RAD9B: variants seen among roughly 807,000 people sequenced by gnomAD.
RAD9B encodes the protein cell cycle checkpoint control protein RAD9B.
A neutral mutation model predicts 48.3 loss-of-function variants in RAD9B; 41 were observed. That is an observed-to-expected ratio of 0.85 (90% confidence interval 0.66 to 1.10). RAD9B has a LOEUF of 1.10. RAD9B is among the 50% of genes least tolerant of loss of function. The pLI is 0.00. For missense variants in RAD9B, 444 were observed against 485.1 expected (o/e 0.92, Z 0.80); for synonymous variants, 160 against 157.9 (o/e 1.01, Z -0.10).
At chr12:110,526,219 T>TA (rs112370464) in intron 10 of RAD9B, among the ~76,000 whole-genome samples, 286 of 146,618 alleles carry the variant, frequency 2.0e-3, no homozygotes, top group East Asian at 0.012. Flanking sequence ...TGTATATTAG[T>TA]AAAAAAAAAA....
At position 110,529,923 on chromosome 12, in the gene RAD9B, G is replaced by A. The variant is rs535009112; in HGVS notation, c.1126-602G>A. Among the ~76,000 whole-genome samples, 22 of 152,294 alleles carry A rather than the reference G, an allele frequency of 1.4e-4. No individual in the cohort carries two copies. In the East Asian group the frequency reaches 2.1e-3, roughly 15 times the overall value. On this transcript the variant is annotated intron_variant, in intron 10 of 10. Coordinates refer to ENST00000409300, the MANE Select transcript of RAD9B (RefSeq NM_001286535.2). ...TAATCCAGTGGCTTACGGAGGCTTCGTTGACCTCTGCCTCTCAGTTCTGGT... is the reference window on the plus strand; with the variant it reads ...TAATCCAGTGGCTTACGGAGGCTTCATTGACCTCTGCCTCTCAGTTCTGGT...
intron 9 of RAD9B, among the ~76,000 whole-genome samples, chr12:110,520,628 C>CTTTTTTTTTTTTTTTTTTTTCTTTTT (rs71083129): frequency 1.0e-5 from 1 of 99,968 alleles, no homozygotes; most frequent in African/African-American, 4.0e-5. Context: ...TTCTTGCTTT[C>CTTTTTTTTTTTTTTTTTTTTCTTTTT]TTTTTTTTTT....
chr12:110,530,561 C>T lies in RAD9B; in HGVS notation c.1162C>T (p.Gln388Ter). ...CMFFGAVSSD[Q>*]QEHFNHPFDS... ...GTTCTTTGGAGCAGTTTCTTCTGAC[C>T]AGCAAGAACACTTCAACCACCCTTT... is the stretch of plus-strand genomic sequence containing the variant. The change falls in exon 11 of 11, where the codon CAG (glutamine) becomes TAG (stop). Residue 388 changes from glutamine (Q) to a stop codon, truncating the protein, a stop_gained. Transcript: ENST00000409300. LOFTEE classifies it high-confidence loss of function. 1 of 1,614,008 alleles carries T rather than the reference C, an allele frequency of 6.2e-7. No homozygotes were observed. The highest frequency in any genetic ancestry group is 8.5e-7 in the Non-Finnish European group (1 of 1,179,870).
intron 9 of RAD9B, 25 bp from the exon 10 acceptor site, chr12:110,522,152 C>T: frequency 7.0e-7 from 1 of 1,418,838 alleles, no homozygotes; most frequent in South Asian, 1.3e-5. Context: ...ACAGTTCATT[C>T]ATTTAATGCC....
At chr12:110,510,254 T>G (rs917473705) in intron 4 of RAD9B, among the ~76,000 whole-genome samples, 15 of 152,220 alleles carry the variant, frequency 9.9e-5, no homozygotes, top group African/African-American at 3.6e-4. Flanking sequence ...CTGTAAAATG[T>G]TAGCCCTGTG....
In RAD9B at chr12:110,531,506, A is replaced by G. The variant is rs2064136316; in HGVS notation, c.*853A>G. On this transcript the variant is annotated 3_prime_UTR_variant, in exon 11 of 11. Coordinates refer to ENST00000409300, the MANE Select transcript of RAD9B (RefSeq NM_001286535.2). ...TGCGCCCAACCTGGAGTGTTTTTAC[A>G]TATTGTAAAATTTTATTTCCTAACC... 5 of 1,153,348 alleles carry G rather than the reference A, an allele frequency of 4.3e-6. No individual in the cohort carries two copies. The highest frequency in any genetic ancestry group is 1.9e-5 in the Admixed American group (1 of 51,664). The allele number at this position is 1,153,348 out of a possible 1,614,324, so 71.4% of individuals were successfully genotyped here. A position where few individuals can be genotyped will look rare whatever the true frequency, so the allele number is the denominator to read the frequency against.
chr12:110,514,947 G>A, intron 5 of RAD9B, 103 bp from the exon 6 acceptor site: 2 of 684,170 alleles, frequency 2.9e-6, no homozygotes, highest in Non-Finnish European at 4.7e-6. Flanking sequence ...CCCAGGCCAA[G>A]TAATTATTTA....
At position 110,530,930 on chromosome 12, in the gene RAD9B, G is replaced by A. The variant is rs2064120437; in HGVS notation, c.*277G>A. 13 of 1,154,438 alleles carry A rather than the reference G, an allele frequency of 1.1e-5. No homozygotes were observed. The East Asian group carries it at 1.4e-4, about 13-fold the overall frequency. The allele number at this position is 1,154,438 out of a possible 1,614,324, so 71.5% of individuals were successfully genotyped here. A position where few individuals can be genotyped will look rare whatever the true frequency, so the allele number is the denominator to read the frequency against. The stretch of plus-strand genomic sequence containing the variant: ...ATTAGAGTTCTTCAATTCAATGCAC[G>A]TTCACCCTAGAGCTTTTAACATCTT... On this transcript the variant is annotated 3_prime_UTR_variant, in exon 11 of 11. Transcript: ENST00000409300.
rs1450233978 is a variant in RAD9B at position 110,530,990 on chromosome 12, A to G, written c.*337A>G. The stretch of plus-strand genomic sequence containing the variant: ...TATAAAGGTATTTAAACTTTATTCA[A>G]CAGCCATTTAGAGTGCCATCAAGAT... On this transcript the variant is annotated 3_prime_UTR_variant, in exon 11 of 11. Transcript: ENST00000409300. 2 of 1,022,788 alleles carry G rather than the reference A, an allele frequency of 2.0e-6. No individual in the cohort carries two copies. The highest frequency in any genetic ancestry group is 4.3e-5 in the South Asian group (1 of 23,508). The allele number at this position is 1,022,788 out of a possible 1,614,324, so 63.4% of individuals were successfully genotyped here.
chr12:110,520,639 T>TG (rs2063754704), intron 9 of RAD9B, among the ~76,000 whole-genome samples: 2 of 147,864 alleles, frequency 1.4e-5, no homozygotes, highest in African/African-American at 2.5e-5. Flanking sequence ...TTTTTTTTTT[T>TG]TTTTTTTGTT....
At chr12:110,508,188 A>C (rs1271842269) in intron 4 of RAD9B, 1 of 169,290 alleles carries the variant, frequency 5.9e-6, no homozygotes. Flanking sequence ...GGGACAGTGC[A>C]TAAGCTCTCT....
In RAD9B at chr12:110,519,989, C is replaced by T. The variant is rs145027605; in HGVS notation, c.890+73C>T. On this transcript the variant is annotated intron_variant, in intron 9 of 10. Coordinates refer to ENST00000409300, the MANE Select transcript of RAD9B (RefSeq NM_001286535.2). The stretch of plus-strand genomic sequence containing the variant: ...ATCTTATTTTGAAATAATTCACTTG[C>T]ATTCACTTAGGAAACAATTGAGGAG... The T allele has an allele frequency of 3.6e-5, 53 of 1,489,536 alleles. No individual in the cohort carries two copies. The Admixed American group carries it at 6.1e-4, about 17-fold the overall frequency. 92.3% of individuals were successfully genotyped at this position (1,489,536 alleles called of 1,614,324 possible).
chr12:110,521,206 G>C (rs1386550744), intron 9 of RAD9B, among the ~76,000 whole-genome samples: 1 of 152,064 alleles, frequency 6.6e-6, no homozygotes, highest in Non-Finnish European at 1.5e-5. Flanking sequence ...ACCCAGGCTG[G>C]AGTGCAGTAG....
chr12:110,531,038 T>C lies in RAD9B; in HGVS notation c.*385T>C. On this transcript the variant is annotated 3_prime_UTR_variant, in exon 11 of 11. Coordinates refer to ENST00000409300, the MANE Select transcript of RAD9B (RefSeq NM_001286535.2). The stretch of plus-strand genomic sequence containing the variant: ...GATGGCTTGAAATGGAATTTTGTGA[T>C]TTGTAGTCAGGTATCTTTTGTATTT... 1 of 1,004,774 alleles carries C rather than the reference T, an allele frequency of 1.0e-6. No homozygotes were observed. Among genetic ancestry groups the C allele is most frequent in the Non-Finnish European group, 1.2e-6 (1 of 842,820 alleles). The allele number at this position is 1,004,774 out of a possible 1,614,324, so 62.2% of individuals were successfully genotyped here.
At chr12:110,505,823 TA>T in intron 3 of RAD9B, 51 bp downstream of exon 3, 1 of 1,430,562 alleles carries the variant, frequency 7.0e-7, no homozygotes, top group Non-Finnish European at 9.7e-7. Context: ...ATATTCATTA[TA>T]TAGGACATAA....
intron 9 of RAD9B, among the ~76,000 whole-genome samples, 181 bp downstream of exon 9, chr12:110,520,097 C>T (rs866214162): frequency 2.0e-5 from 3 of 152,214 alleles, no homozygotes; most frequent in African/African-American, 4.8e-5. Flanking sequence ...TCACCAATCT[C>T]GTGTCAGATA....
intron 4 of RAD9B, among the ~76,000 whole-genome samples, chr12:110,509,901 T>C (rs1237125377): frequency 6.6e-6 from 1 of 152,230 alleles, no homozygotes; most frequent in Non-Finnish European, 1.5e-5. Flanking sequence ...ACTGTTCTTT[T>C]ATATCTTTTG....
rs1392560119 is a variant in RAD9B at position 110,532,194 on chromosome 12, T to C, written c.*1541T>C. 1 of 152,616 alleles carries C rather than the reference T, an allele frequency of 6.6e-6. No homozygotes were observed. Among genetic ancestry groups the C allele is most frequent in the Non-Finnish European group, 1.5e-5 (1 of 68,362 alleles). The allele number at this position is 152,616 out of a possible 1,614,324, so 9.5% of individuals were successfully genotyped here. A position where few individuals can be genotyped will look rare whatever the true frequency, so the allele number is the denominator to read the frequency against. ...TTTCATCACATGGTAGGGGAAGATATATGTATCTTATGCTTACACTGATGA... is the reference window on the plus strand; with the variant it reads ...TTTCATCACATGGTAGGGGAAGATACATGTATCTTATGCTTACACTGATGA... On this transcript the variant is annotated 3_prime_UTR_variant, in exon 11 of 11. Transcript: ENST00000409300.
intron 6 of RAD9B, 35 bp from the exon 7 acceptor site, chr12:110,518,640 TA>T: frequency 7.0e-7 from 1 of 1,423,744 alleles, no homozygotes; most frequent in Non-Finnish European, 9.6e-7. Context: ...TCTCTGGAAC[TA>T]ATTTTATTCT....
Sources: gnomAD v4.1 joint callset for allele counts (sites outside exome capture counted in the v4.1 genomes callset) on GRCh38, gnomAD v4.1.1 for gene constraint, MANE v1.5 for transcripts, NCBI Gene and HGNC (gene_info 2026-07-23, HGNC 2026-07-21) for gene names.